Variants in JMJD1C observed in about 807,000 individuals in gnomAD.
JMJD1C encodes the protein jumonji domain containing 1C.
JMJD1C carries 31 observed loss-of-function variants against 245.3 expected under a neutral mutation model. That is an observed-to-expected ratio of 0.13 (90% CI 0.09 to 0.17). The LOEUF (loss-of-function observed/expected upper bound fraction) is 0.17, where lower values mean the gene tolerates loss of function less well. Ranked by LOEUF, JMJD1C falls within the 10% of genes least tolerant of loss-of-function variation. JMJD1C has a pLI of 1.00. For missense variants in JMJD1C, 2,691 were observed against 3,000.2 expected (o/e 0.90, Z 2.41); for synonymous variants, 1,057 against 1,017.4 (o/e 1.04, Z -0.74).
intron 2 of JMJD1C, among the ~76,000 whole-genome samples, chr10:63,281,942 C>A (rs1315289005): frequency 6.6e-6 from 1 of 152,162 alleles, no homozygotes; most frequent in Non-Finnish European, 1.5e-5. Context: ...AATCTTGAGT[C>A]CTGTCAAGCA....
intron 2 of JMJD1C, among the ~76,000 whole-genome samples, chr10:63,324,901 G>T (rs1049460498): frequency 6.6e-6 from 1 of 152,132 alleles, no homozygotes; most frequent in South Asian, 2.1e-4. Flanking sequence ...GTAAATTGCT[G>T]GAGTCATGAA....
chr10:63,207,990 G>A lies in JMJD1C; in HGVS notation c.3679C>T (p.Leu1227Phe). The change falls in exon 10 of 26, where the codon CTT (leucine) becomes TTT (phenylalanine). Residue 1227 changes from leucine to phenylalanine, a missense_variant. By Grantham distance (22) the Leu-to-Phe change is conservative (BLOSUM62 0). Around this residue, in one of 9 missense-constraint regions of JMJD1C, gnomAD observed 1,562 missense variants for 1,490.7 expected, o/e 1.05. Transcript: ENST00000399262. The part of the protein sequence containing the change: ...LERKEGSYSS[L>F]SPPTLTPVMP... ...ACCGGAGTTAAAGTTGGAGGGGAAAGACTACTATAGCTGCCTTCCTTTCTT... is the reference window on the plus strand; with the variant it reads ...ACCGGAGTTAAAGTTGGAGGGGAAAAACTACTATAGCTGCCTTCCTTTCTT... The A allele has an allele frequency of 1.2e-6, 2 of 1,614,170 alleles. No homozygotes were observed. The highest frequency in any genetic ancestry group is 1.7e-6 in the Non-Finnish European group (2 of 1,180,004).
intron 1 of JMJD1C, among the ~76,000 whole-genome samples, chr10:63,383,532 C>T (rs1305392541): frequency 6.6e-6 from 1 of 151,946 alleles, no homozygotes; most frequent in Non-Finnish European, 1.5e-5. Context: ...GACCTTGTCT[C>T]TACAAAAAAT....
At chr10:63,317,743 C>A (rs567096462) in intron 2 of JMJD1C, among the ~76,000 whole-genome samples, 1 of 152,182 alleles carries the variant, frequency 6.6e-6, no homozygotes, top group Non-Finnish European at 1.5e-5. Context: ...ATTCCAAAGG[C>A]CACTGAAATT....
chr10:63,231,564 C>T (rs180873459), intron 3 of JMJD1C, among the ~76,000 whole-genome samples: 2 of 152,182 alleles, frequency 1.3e-5, no homozygotes, highest in Non-Finnish European at 2.9e-5. Context: ...GAGGCCACGG[C>T]GGGCAGATCA....
intron 1 of JMJD1C, among the ~76,000 whole-genome samples, chr10:63,387,844 C>A (rs1415678446): frequency 6.6e-6 from 1 of 151,594 alleles, no homozygotes; most frequent in African/African-American, 2.4e-5. Flanking sequence ...ACCGTGTTAG[C>A]CAGGATGGTC....
At chr10:63,332,753 C>T (rs1209992224) in intron 2 of JMJD1C, among the ~76,000 whole-genome samples, 2 of 152,102 alleles carry the variant, frequency 1.3e-5, no homozygotes, top group African/African-American at 4.8e-5. Context: ...TAAAGAATCA[C>T]TTTTCAAATG....
At chr10:63,365,016 T>G (rs1945718562) in intron 2 of JMJD1C, among the ~76,000 whole-genome samples, 1 of 152,248 alleles carries the variant, frequency 6.6e-6, no homozygotes, top group Non-Finnish European at 1.5e-5. Flanking sequence ...CTTTATGATT[T>G]GATCACCGCT....
At chr10:63,320,355 G>T in intron 2 of JMJD1C, among the ~76,000 whole-genome samples, 2 of 151,262 alleles carry the variant, frequency 1.3e-5, no homozygotes, top group East Asian at 1.9e-4. Context: ...ACTACTAATG[G>T]CATCTGTAAT....
upstream of JMJD1C, among the ~76,000 whole-genome samples, chr10:63,469,672 A>T (rs1953427952): frequency 6.6e-6 from 1 of 152,182 alleles, no homozygotes; most frequent in Non-Finnish European, 1.5e-5. Flanking sequence ...ATAGAATTTC[A>T]TCCAAATTTA....
intron 1 of JMJD1C, among the ~76,000 whole-genome samples, chr10:63,445,918 T>C (rs1043556523): frequency 7.9e-6 from 1 of 126,608 alleles, no homozygotes; most frequent in Non-Finnish European, 1.6e-5. Context: ...TCTGGTTACC[T>C]AGGCTGGAGT....
chr10:63,263,752 T>C lies in JMJD1C; in HGVS notation c.447+899A>G, dbSNP rs539460859. On this transcript the variant is annotated intron_variant, in intron 3 of 25. Coordinates refer to ENST00000399262, the MANE Select transcript of JMJD1C (RefSeq NM_032776.3). Reference sequence around the variant, plus strand: ...TTCGAGACCAGTCTGGCCAACATTGTGAAACCCCATCTCTATTAAAAATAC... The same window carrying C: ...TTCGAGACCAGTCTGGCCAACATTGCGAAACCCCATCTCTATTAAAAATAC... Among the ~76,000 whole-genome samples, 11 of 152,040 alleles carry C rather than the reference T, an allele frequency of 7.2e-5. No homozygotes were observed. The South Asian group carries it at 2.3e-3, about 32-fold the overall frequency.
chr10:63,430,115 A>G (rs2132830017), intron 1 of JMJD1C, among the ~76,000 whole-genome samples: 1 of 152,370 alleles, frequency 6.6e-6, no homozygotes, highest in Non-Finnish European at 1.5e-5. Flanking sequence ...AGTCTCTTAA[A>G]TAGTACTGGG....
intron 8 of JMJD1C, among the ~76,000 whole-genome samples, chr10:63,213,111 GGGA>G (rs1419038671): frequency 6.7e-6 from 1 of 150,256 alleles, no homozygotes; most frequent in East Asian, 1.9e-4. Flanking sequence ...GCTTGAACCT[GGGA>G]GGCAGAGGTT....
chr10:63,177,596 T>A, intron 23 of JMJD1C, 121 bp downstream of exon 23: 1 of 1,002,830 alleles, frequency 1.0e-6, no homozygotes. Flanking sequence ...AAAACTCCCA[T>A]CTACTTTGAA....
intron 1 of JMJD1C, among the ~76,000 whole-genome samples, chr10:63,513,853 C>CA (rs1416959590): frequency 1.3e-5 from 2 of 152,034 alleles, no homozygotes; most frequent in Non-Finnish European, 2.9e-5. Flanking sequence ...GTGGAGCGTG[C>CA]AGTGAGCCGA....
At chr10:63,172,186 C>T (rs1480009559) in intron 24 of JMJD1C, among the ~76,000 whole-genome samples, 1 of 152,134 alleles carries the variant, frequency 6.6e-6, no homozygotes, top group Non-Finnish European at 1.5e-5. Flanking sequence ...TATATGCTGC[C>T]TTGGTGTATT....
chr10:63,209,536 C>T (rs61855467), intron 8 of JMJD1C, among the ~76,000 whole-genome samples: 1 of 151,966 alleles, frequency 6.6e-6, no homozygotes, highest in Non-Finnish European at 1.5e-5. Context: ...ATATACAGAA[C>T]CTAGTTTATA....
intron 1 of JMJD1C, among the ~76,000 whole-genome samples, chr10:63,505,188 G>A (rs569574830): frequency 7.3e-5 from 11 of 151,586 alleles, no homozygotes; most frequent in Non-Finnish European, 1.5e-4. Flanking sequence ...ATGGTGGCGG[G>A]CGCCTGTAGT....
Sources: allele counts gnomAD v4.1 joint callset (sites outside exome capture counted in the v4.1 genomes callset), GRCh38; gene constraint gnomAD v4.1.1; regional missense constraint gnomAD v4.1.1; transcripts MANE v1.5; gene names NCBI Gene and HGNC (gene_info 2026-07-23, HGNC 2026-07-21).